Variants in ZRANB3 observed in about 807,000 individuals in gnomAD.
ZRANB3 encodes the protein zinc finger RANBP2-type containing 3.
In ZRANB3, 125 loss-of-function variants were observed where a neutral mutation model predicts 133.8. The ratio of observed to expected loss-of-function variants is 0.93; its 90% CI spans 0.81 to 1.08. The LOEUF is 1.08. Ranked by LOEUF, ZRANB3 falls within the 50% of genes least tolerant of loss-of-function variation. The probability of loss-of-function intolerance (pLI) is 0.00; values close to 1 mark genes in which losing one functional copy is unlikely to be tolerated. For synonymous variants in ZRANB3, 387 were observed against 432.7 expected (o/e 0.89, Z 1.31); for missense variants, 1,229 against 1,275.5 (o/e 0.96, Z 0.56).
chr2:135,495,956 T>C (rs1692641886), intron 2 of ZRANB3, among the ~76,000 whole-genome samples: 1 of 152,206 alleles, frequency 6.6e-6, no homozygotes, highest in South Asian at 2.1e-4. Context: ...TCAAAATTCA[T>C]AATAGTAAGC....
chr2:135,376,369 A>G (rs1686429328), intron 3 of ZRANB3, among the ~76,000 whole-genome samples: 1 of 152,208 alleles, frequency 6.6e-6, no homozygotes, highest in Admixed American at 6.5e-5. Context: ...TTGAAAACCT[A>G]TGTTGACACA....
intron 2 of ZRANB3, among the ~76,000 whole-genome samples, chr2:135,448,187 CAA>C (rs1690111874): frequency 6.6e-6 from 1 of 152,170 alleles, no homozygotes; most frequent in Admixed American, 6.5e-5. Flanking sequence ...GAAAAATACA[CAA>C]ATAGCCTAAG....
chr2:135,349,895 A>T (rs1257076677), intron 5 of ZRANB3, 89 bp downstream of exon 5: 1 of 1,051,700 alleles, frequency 9.5e-7, no homozygotes, highest in Admixed American at 2.2e-5. Context: ...TCTAATTTGA[A>T]ATTAAAAATT....
At chr2:135,214,442 G>C (rs1177725535) in intron 17 of ZRANB3, among the ~76,000 whole-genome samples, 2 of 151,868 alleles carry the variant, frequency 1.3e-5, no homozygotes, top group Non-Finnish European at 2.9e-5. Context: ...TTTATGAATT[G>C]ACTTTTGCTT....
chr2:135,469,868 C>T (rs903970215), intron 2 of ZRANB3, among the ~76,000 whole-genome samples: 1 of 150,902 alleles, frequency 6.6e-6, no homozygotes, highest in Non-Finnish European at 1.5e-5. Flanking sequence ...AAAAAATTAG[C>T]GGGCGTGGTG....
chr2:135,224,609 T>G (rs908433020), intron 14 of ZRANB3, 92 bp from the exon 15 acceptor site: 11 of 766,034 alleles, frequency 1.4e-5, no homozygotes, highest in Non-Finnish European at 2.2e-5. Context: ...AACGATGAAA[T>G]AGCTATATCA....
intron 3 of ZRANB3, among the ~76,000 whole-genome samples, chr2:135,377,281 G>A (rs1246497930): frequency 2.6e-5 from 4 of 152,120 alleles, no homozygotes; most frequent in Non-Finnish European, 5.9e-5. Flanking sequence ...GTATATCTAT[G>A]TATAAATACA....
At chr2:135,488,485 A>C (rs977324282) in intron 2 of ZRANB3, among the ~76,000 whole-genome samples, 1 of 151,920 alleles carries the variant, frequency 6.6e-6, no homozygotes, top group African/African-American at 2.4e-5. Context: ...ATATAATCAA[A>C]TATAGCATAC....
chr2:135,347,622 G>T (rs921605591), intron 5 of ZRANB3, among the ~76,000 whole-genome samples: 4 of 152,122 alleles, frequency 2.6e-5, no homozygotes, highest in African/African-American at 7.2e-5. Flanking sequence ...GAATAAAATC[G>T]CTGGGTCATA....
chr2:135,344,960 C>G (rs1047308756), intron 6 of ZRANB3, among the ~76,000 whole-genome samples: 16 of 152,092 alleles, frequency 1.1e-4, no homozygotes, highest in African/African-American at 3.9e-4. Flanking sequence ...AATAAAGTGC[C>G]AACACTGCTT....
chr2:135,233,444 G>T (rs113612795), intron 12 of ZRANB3, among the ~76,000 whole-genome samples: 1 of 152,050 alleles, frequency 6.6e-6, no homozygotes, highest in Admixed American at 6.6e-5. Flanking sequence ...TACAGAGAAC[G>T]CCACAAAGAT....
intron 3 of ZRANB3, among the ~76,000 whole-genome samples, chr2:135,355,443 C>T (rs1338256908): frequency 6.6e-6 from 1 of 151,720 alleles, no homozygotes; most frequent in Non-Finnish European, 1.5e-5. Flanking sequence ...CTCACAGCAA[C>T]CTCCACCTCC....
chr2:135,276,794 T>A (rs984926278), intron 8 of ZRANB3, among the ~76,000 whole-genome samples: 2 of 152,138 alleles, frequency 1.3e-5, no homozygotes, highest in African/African-American at 4.8e-5. Flanking sequence ...GATCCTAAAC[T>A]GGCTATGGAA....
chr2:135,243,776 G>A (rs1695660432), intron 12 of ZRANB3, among the ~76,000 whole-genome samples: 1 of 151,982 alleles, frequency 6.6e-6, no homozygotes. Flanking sequence ...ATGCTGCCAT[G>A]TCTGGTTAAT....
At chr2:135,233,973 G>A (rs1251722222) in intron 12 of ZRANB3, among the ~76,000 whole-genome samples, 2 of 152,180 alleles carry the variant, frequency 1.3e-5, no homozygotes, top group South Asian at 2.1e-4. Context: ...TGGGCTAAAT[G>A]CTCCAATTAA....
intron 6 of ZRANB3, among the ~76,000 whole-genome samples, chr2:135,322,823 C>G (rs1365884262): frequency 1.3e-5 from 2 of 151,912 alleles, no homozygotes; most frequent in African/African-American, 4.8e-5. Flanking sequence ...GTAAGACCAG[C>G]CTGGATAACA....
At chr2:135,455,265 T>C (rs1690457527) in intron 2 of ZRANB3, among the ~76,000 whole-genome samples, 1 of 136,902 alleles carries the variant, frequency 7.3e-6, no homozygotes, top group Non-Finnish European at 1.5e-5. Context: ...TTTGGCTCAC[T>C]GTAACCTCCA....
intron 3 of ZRANB3, among the ~76,000 whole-genome samples, chr2:135,378,992 G>A (rs1038436107): frequency 6.6e-6 from 1 of 152,012 alleles, no homozygotes; most frequent in Non-Finnish European, 1.5e-5. Flanking sequence ...AAGGACATGA[G>A]AGAAAAACTG....
intron 10 of ZRANB3, among the ~76,000 whole-genome samples, chr2:135,269,654 T>A (rs1680417217): frequency 2.0e-5 from 3 of 152,226 alleles, no homozygotes; most frequent in African/African-American, 7.2e-5. Flanking sequence ...ATATATACAA[T>A]GCAATTGCAT....
Sources: allele counts gnomAD v4.1 joint callset (sites outside exome capture counted in the v4.1 genomes callset), GRCh38; gene constraint gnomAD v4.1.1; transcripts MANE v1.5; gene names NCBI Gene and HGNC (gene_info 2026-07-23, HGNC 2026-07-21).